The following DSG4 variants were observed in gnomAD, a reference collection of about 807,000 sequenced individuals.
DSG4 encodes the protein desmoglein-4.
Under a neutral mutation model 93.1 loss-of-function variants are expected in DSG4, and 87 were observed. That is an observed-to-expected ratio of 0.93 (90% CI 0.79 to 1.12). DSG4 has a LOEUF of 1.12. Among genes scored for constraint, DSG4 ranks in the 50% most tolerant of loss-of-function variants. The pLI is 0.00. For missense variants in DSG4, 1,373 were observed against 1,285.7 expected, an observed-to-expected ratio of 1.07 and a Z score of -1.04; for synonymous variants, 432 against 452.9, an observed-to-expected ratio of 0.95 and a Z score of 0.59.
At position 31,403,566 on chromosome 18, in the gene DSG4, C is replaced by T. The variant is rs34620697; in HGVS notation, c.1568C>T (p.Pro523Leu). The T allele has an allele frequency of 7.1e-3, 11,458 of 1,613,966 alleles. 96 individuals are homozygous for T. The highest frequency in any genetic ancestry group is 0.019 in the South Asian group (1,759 of 91,070). The change falls in exon 11 of 16, where the codon CCG becomes CTG. Residue 523 changes from proline to leucine, a missense_variant. Transcript: ENST00000308128. ...ISVNEHSYGSPFTFCVVDEPP... is the reference protein window; with the variant it reads ...ISVNEHSYGSLFTFCVVDEPP... ...GTTAATGAACATTCTTATGGGTCTC[C>T]GTTTACTTTCTGTGTTGTTGATGAG... is the stretch of plus-strand genomic sequence containing the variant.
rs558453483 is a variant in DSG4, at chr18:31,409,611, C to T, written c.2073+20C>T. 3.4e-4 allele frequency: 556 copies of T among 1,614,120 alleles called. 11 individuals are homozygous for T. In the South Asian group the frequency reaches 5.9e-3, roughly 17 times the overall value. On this transcript the variant is annotated intron_variant, in intron 13 of 15. Coordinates refer to ENST00000308128, the MANE Select transcript of DSG4 (RefSeq NM_177986.5). Reference sequence around the variant, plus strand: ...GACAGGGTAAGTGGACTGTCACTCTCCAGAGAAGTGTGGAGTTTCAGTGGA... The same window carrying T: ...GACAGGGTAAGTGGACTGTCACTCTTCAGAGAAGTGTGGAGTTTCAGTGGA...
Position 31,413,508 on chromosome 18 carries a change from C to A in DSG4, c.3036C>A (p.Pro1012=). 6.2e-7 allele frequency: 1 copy of A among 1,613,884 alleles called. No homozygotes were observed. Among genetic ancestry groups the A allele is most frequent in the African/African-American group, 1.3e-5 (1 of 75,004 alleles). The change falls in exon 16 of 16, where the codon CCC becomes CCA. Residue 1012 remains proline, a synonymous_variant. Coordinates refer to ENST00000308128, the MANE Select transcript of DSG4 (RefSeq NM_177986.5). ...TGCAAATGATGAGTCCAGACCTTCC[C>A]ATAGGCCAAACCGTTGGCTCCACAT... ...QVMQMMSPDL[P]IGQTVGSTSP...
rs757556398 is a variant in DSG4, at chr18:31,392,221, G to C, written c.886G>C (p.Asp296His). The change falls in exon 8 of 16, where the codon GAT (aspartate) becomes CAT (histidine). Residue 296 changes from aspartate to histidine, a missense_variant. Physicochemically the swap from Asp to His is moderately conservative, Grantham distance 81. Coordinates refer to ENST00000308128, the MANE Select transcript of DSG4 (RefSeq NM_177986.5). ...GATACGATTACAAGCAATTGATCTT[G>C]ATGAAGAAGGCACTGATAACTGGTT... ...ELIRLQAIDLDEEGTDNWLAQ... is the reference protein window; with the variant it reads ...ELIRLQAIDLHEEGTDNWLAQ... The C allele has an allele frequency of 6.2e-7, 1 of 1,613,770 alleles. No individual in the cohort carries two copies. Among genetic ancestry groups the C allele is most frequent in the South Asian group, 1.1e-5 (1 of 91,070 alleles).
intron 2 of DSG4, among the ~76,000 whole-genome samples, chr18:31,385,942 T>C (rs1331023313): frequency 6.6e-6 from 1 of 152,156 alleles, no homozygotes; most frequent in Non-Finnish European, 1.5e-5. Context: ...ATATAGTTTA[T>C]GCATGTATAC....
intron 12 of DSG4, among the ~76,000 whole-genome samples, chr18:31,408,836 T>C (rs2072455046): frequency 6.6e-6 from 1 of 152,180 alleles, no homozygotes; most frequent in South Asian, 2.1e-4. Flanking sequence ...TATTTATGGA[T>C]TAAAATACAG....
chr18:31,382,484 T>A (rs747837565), intron 1 of DSG4: 2 of 152,260 alleles, frequency 1.3e-5, no homozygotes, highest in Non-Finnish European at 2.9e-5. Flanking sequence ...CACCATTACC[T>A]AGGAGTCCAT....
At chr18:31,406,811 T>C (rs1321867869) in intron 12 of DSG4, among the ~76,000 whole-genome samples, 2 of 151,840 alleles carry the variant, frequency 1.3e-5, no homozygotes, top group Non-Finnish European at 2.9e-5. Context: ...GGAATCTTGC[T>C]CTATTGCCCA....
intron 15 of DSG4, among the ~76,000 whole-genome samples, 182 bp from the exon 16 acceptor site, chr18:31,412,646 A>G (rs1052751118): frequency 9.9e-5 from 15 of 152,216 alleles, no homozygotes; most frequent in Admixed American, 7.2e-4. Context: ...TAAAATTGGT[A>G]GTTACAAATG....
chr18:31,411,076 A>G, intron 14 of DSG4, 155 bp from the exon 15 acceptor site: 1 of 1,547,478 alleles, frequency 6.5e-7, no homozygotes, highest in Non-Finnish European at 8.7e-7. Context: ...AAGCCTGGAG[A>G]TGTATCGGTG....
rs955516358 is a variant in DSG4 at position 31,406,429 on chromosome 18, G to A, written c.1933+56G>A. ...TAGTTCTTCAAAATAGGGCTGTTAC[G>A]AGGCTCGCTGGGATGGTTAGGTTCA... On this transcript the variant is annotated intron_variant, in intron 12 of 15. Coordinates refer to ENST00000308128, the MANE Select transcript of DSG4 (RefSeq NM_177986.5). The A allele has an allele frequency of 1.0e-5, 16 of 1,605,664 alleles. No individual in the cohort carries two copies. In the Admixed American group the frequency reaches 2.0e-4, roughly 20 times the overall value.
chr18:31,411,310 G>T lies in DSG4; in HGVS notation c.2217G>T (p.Gly739=), dbSNP rs1397207545. The T allele has an allele frequency of 6.8e-6, 11 of 1,612,322 alleles. No homozygotes were observed. Among genetic ancestry groups the T allele is most frequent in the Non-Finnish European group, 9.3e-6 (11 of 1,179,996 alleles). The part of the protein sequence containing the change: ...VSGVELNTGM[G]TAVGLMAAGA... ...GAGTGGAGCTCAACACAGGTATGGG[G>T]ACAGCCGTTGGCCTCATGGCCGCAG... Residue 739 remains glycine (G), a synonymous_variant, in exon 15 of 16, where the codon GGG becomes GGT. Coordinates refer to ENST00000308128, the MANE Select transcript of DSG4 (RefSeq NM_177986.5).
intron 1 of DSG4, 21 bp downstream of exon 1, chr18:31,376,980 T>C: frequency 6.2e-7 from 1 of 1,612,110 alleles, no homozygotes; most frequent in Non-Finnish European, 8.5e-7. Context: ...TTTAAAGAGG[T>C]GGGAAGGAAA....
chr18:31,409,323 A>C, intron 12 of DSG4, 129 bp from the exon 13 acceptor site: 1 of 1,413,496 alleles, frequency 7.1e-7, no homozygotes, highest in Non-Finnish European at 9.9e-7. Flanking sequence ...AAAAAATGAG[A>C]TTTTCTTACA....
intron 2 of DSG4, among the ~76,000 whole-genome samples, chr18:31,386,324 G>T (rs1254644654): frequency 6.6e-6 from 1 of 152,124 alleles, no homozygotes; most frequent in Non-Finnish European, 1.5e-5. Flanking sequence ...TCTGCAGTCT[G>T]TAAATTCTGG....
chr18:31,396,794 C>T (rs375828390), intron 8 of DSG4, among the ~76,000 whole-genome samples: 1 of 152,194 alleles, frequency 6.6e-6, no homozygotes, highest in African/African-American at 2.4e-5. Context: ...CTGCCACCTT[C>T]GTGTCTCACT....
chr18:31,385,618 A>T (rs1403113862), intron 2 of DSG4, among the ~76,000 whole-genome samples: 1 of 152,168 alleles, frequency 6.6e-6, no homozygotes, highest in African/African-American at 2.4e-5. Context: ...CAGGAAATAG[A>T]GCTGCTGTCC....
chr18:31,389,893 G>A (rs536459488), intron 5 of DSG4, among the ~76,000 whole-genome samples: 159 of 152,226 alleles, frequency 1.0e-3, no homozygotes, highest in Middle Eastern at 3.4e-3. Context: ...GAGAGACTCC[G>A]AAGTCCATCT....
intron 3 of DSG4, among the ~76,000 whole-genome samples, chr18:31,387,021 T>C (rs1010049151): frequency 1.3e-5 from 2 of 152,128 alleles, no homozygotes; most frequent in Admixed American, 6.6e-5. Flanking sequence ...CAAGTGATTC[T>C]AGAAGAAAGG....
intron 1 of DSG4, among the ~76,000 whole-genome samples, chr18:31,383,819 T>C (rs1171018154): frequency 1.3e-5 from 2 of 152,148 alleles, no homozygotes; most frequent in Non-Finnish European, 2.9e-5. Flanking sequence ...ATGGAAAATA[T>C]TGACGTCAAT....
Sources: allele counts gnomAD v4.1 joint callset (sites outside exome capture counted in the v4.1 genomes callset), GRCh38; gene constraint gnomAD v4.1.1; transcripts MANE v1.5; gene names NCBI Gene and HGNC (gene_info 2026-07-23, HGNC 2026-07-21).